Variants in KIF3B observed in about 807,000 individuals in gnomAD.
KIF3B encodes the protein kinesin family member 3B.
In KIF3B, 38 loss-of-function variants were observed where a neutral mutation model predicts 74.3. The observed-to-expected ratio is 0.51, with a 90% confidence interval of 0.39 to 0.67. The LOEUF (loss-of-function observed/expected upper bound fraction) is 0.67. KIF3B is among the 30% of genes least tolerant of loss of function. The pLI, the probability that KIF3B is intolerant of heterozygous loss-of-function variation, is 0.00. For synonymous variants in KIF3B, 326 were observed against 342.5 expected, an observed-to-expected ratio of 0.95 and a Z score of 0.53; for missense variants, 649 against 932.0, an observed-to-expected ratio of 0.70 and a Z score of 3.95.
chr20:32,330,297 G>A lies in KIF3B; in HGVS notation c.2125G>A (p.Ala709Thr), dbSNP rs201593739. 4 of 1,613,948 alleles carry A rather than the reference G, an allele frequency of 2.5e-6. No homozygotes were observed. Among genetic ancestry groups the A allele is most frequent in the East Asian group, 2.2e-5 (1 of 44,870 alleles). Residue 709 changes from alanine (A) to threonine (T), a missense_variant, in exon 8 of 9, where the codon GCA becomes ACA. Physicochemically the swap from Ala to Thr is moderately conservative, Grantham distance 58. Around this residue, in one of 4 missense-constraint regions of KIF3B, gnomAD observed 186 missense variants for 198.5 expected, o/e 0.94. Transcript: ENST00000375712. ...GGATGCATCATCATTTGAAAGCACT[G>A]CAAATAAGAAATCCAAGGCCAGGTG... ...QVDASSFEST[A>T]NKKSKARPKS...
rs1038405595 is a variant in KIF3B, at chr20:32,333,714, C to T, written c.*2395C>T. 1.3e-5 allele frequency: 2 copies of T among 150,286 alleles called. No individual in the cohort carries two copies. Among genetic ancestry groups the T allele is most frequent in the South Asian group, 2.1e-4 (1 of 4,772 alleles). The allele number at this position is 150,286 out of a possible 1,614,324, so 9.3% of individuals were successfully genotyped here. On this transcript the variant is annotated 3_prime_UTR_variant, in exon 9 of 9. Coordinates refer to ENST00000375712, the MANE Select transcript of KIF3B (RefSeq NM_004798.4). Reference sequence around the variant, plus strand: ...ACCCTATACATTAATACTGGTATCTCGAGGTGACTCTTCTGACCAAGGGTG... The same window carrying T: ...ACCCTATACATTAATACTGGTATCTTGAGGTGACTCTTCTGACCAAGGGTG...
chr20:32,291,679 G>T (rs1176361096), intron 1 of KIF3B, among the ~76,000 whole-genome samples: 1 of 148,580 alleles, frequency 6.7e-6, no homozygotes, highest in Non-Finnish European at 1.5e-5. Flanking sequence ...GCAGTGGTGC[G>T]ATCTAGGCCC....
rs1164216900 is a variant in KIF3B at position 32,316,463 on chromosome 20, C to G, written c.1507-64C>G. On this transcript the variant is annotated intron_variant, in intron 3 of 8. Transcript: ENST00000375712. ...TCCTAGCTGGAGACTCTGATCCTAG[C>G]TTGGGGAACCCAGCATAGACACAGT... 3 of 1,605,310 alleles carry G rather than the reference C, an allele frequency of 1.9e-6. No homozygotes were observed. In the African/African-American group the frequency reaches 4.0e-5, roughly 22 times the overall value.
rs201526535 is a variant in KIF3B at position 32,311,096 on chromosome 20, T to G, written c.1319T>G (p.Met440Arg). Residue 440 changes from methionine to arginine, a missense_variant, in exon 2 of 9, where the codon ATG becomes AGG. Met to Arg is a moderately conservative substitution (Grantham distance 91). This residue lies in a region of KIF3B where 363 missense variants were observed against 592.8 expected (regional missense o/e 0.61). Transcript: ENST00000375712. ...EDHSLVAEEK[M>R]RLLKEKEKKM... ...CACAGCTTGGTTGCAGAGGAGAAGA[T>G]GAGGCTGCTGAAGGAGAAAGAGAAA... 76 of 1,613,618 alleles carry G rather than the reference T, an allele frequency of 4.7e-5. 1 individual carries two copies. Among genetic ancestry groups the G allele is most frequent in the Non-Finnish European group, 4.2e-6 (5 of 1,179,894 alleles).
chr20:32,286,384 CAT>C (rs1411224235), intron 1 of KIF3B, among the ~76,000 whole-genome samples: 1 of 152,118 alleles, frequency 6.6e-6, no homozygotes, highest in African/African-American at 2.4e-5. Context: ...GCTGGCAAAT[CAT>C]AAAAGATTCC....
chr20:32,277,806 C>A, intron 1 of KIF3B, 41 bp downstream of exon 1: 1 of 195,036 alleles, frequency 5.1e-6, no homozygotes, highest in Non-Finnish European at 1.0e-5. Context: ...CAGGGCTAAT[C>A]CTGTGGCCGC....
intron 1 of KIF3B, among the ~76,000 whole-genome samples, chr20:32,281,752 G>C (rs1424232101): frequency 6.6e-6 from 1 of 152,076 alleles, no homozygotes; most frequent in Non-Finnish European, 1.5e-5. Flanking sequence ...AAAAGAAAAA[G>C]AAAAGGCCTT....
At chr20:32,281,783 G>A (rs1210409670) in intron 1 of KIF3B, among the ~76,000 whole-genome samples, 1 of 152,172 alleles carries the variant, frequency 6.6e-6, no homozygotes, top group African/African-American at 2.4e-5. Flanking sequence ...TGACGTTTTT[G>A]CTGAGATTTG....
chr20:32,307,714 G>T (rs761306959), intron 1 of KIF3B, among the ~76,000 whole-genome samples: 9 of 152,024 alleles, frequency 5.9e-5, no homozygotes, highest in African/African-American at 2.2e-4. Context: ...GGTGGATCAC[G>T]AGGTCAGAAG....
At chr20:32,304,662 T>C (rs1285905476) in intron 1 of KIF3B, among the ~76,000 whole-genome samples, 1 of 152,154 alleles carries the variant, frequency 6.6e-6, no homozygotes, top group African/African-American at 2.4e-5. Context: ...TGTTTATTAT[T>C]GTATATAATA....
At position 32,310,688 on chromosome 20, in the gene KIF3B, C is replaced by G; in HGVS notation, c.911C>G (p.Ser304Cys). 6.2e-7 allele frequency: 1 copy of G among 1,614,184 alleles called. No homozygotes were observed. Among genetic ancestry groups the G allele is most frequent in the Non-Finnish European group, 8.5e-7 (1 of 1,180,024 alleles). ...AAGCTTACCAGGCTCCTCCAAGATT[C>G]CCTTGGTGGCAATGCCAAGACTGTG... ...DSKLTRLLQDSLGGNAKTVMV... is the reference protein window; with the variant it reads ...DSKLTRLLQDCLGGNAKTVMV... Residue 304 changes from serine (S) to cysteine (C), a missense_variant, in exon 2 of 9, where the codon TCC becomes TGC. Ser to Cys is a moderately radical substitution (Grantham distance 112). Coordinates refer to ENST00000375712, the MANE Select transcript of KIF3B (RefSeq NM_004798.4). This position sits in a 1 kb window ranked among gnomAD's most constrained non-coding sequence, Gnocchi z 6.5.
At chr20:32,297,770 C>T (rs2047723130) in intron 1 of KIF3B, among the ~76,000 whole-genome samples, 1 of 151,712 alleles carries the variant, frequency 6.6e-6, no homozygotes, top group Non-Finnish European at 1.5e-5. Flanking sequence ...CAAGGGCTGT[C>T]AGATATTCCC....
Position 32,316,257 on chromosome 20 carries a change from G to C in KIF3B, c.1444G>C (p.Val482Leu), listed in dbSNP as rs757305308. The C allele has an allele frequency of 6.2e-7, 1 of 1,613,462 alleles. No individual in the cohort carries two copies. Among genetic ancestry groups the C allele is most frequent in the Non-Finnish European group, 8.5e-7 (1 of 1,179,368 alleles). Residue 482 changes from valine to leucine, a missense_variant, in exon 3 of 9, where the codon GTA (valine) becomes CTA (leucine). Around this residue, in one of 4 missense-constraint regions of KIF3B, gnomAD observed 363 missense variants for 592.8 expected, o/e 0.61. Transcript: ENST00000375712. ...GTTGCTTGTTGGAGGAAAAAATATA[G>C]TAGATCATACGAATGAACAGCAGAA... ...SKLLVGGKNI[V>L]DHTNEQQKIL...
In KIF3B at chr20:32,307,300, A is replaced by G. The variant is rs1029556230; in HGVS notation, c.-65-2413A>G. On this transcript the variant is annotated intron_variant, in intron 1 of 8. Transcript: ENST00000375712. ...CCATTTTTCACACTATGTAAACTAT[A>G]CTGTACACACTGTCACCTACTTTTT... 6.6e-5 allele frequency among the ~76,000 whole-genome samples: 10 copies of G among 152,308 alleles called. No individual in the cohort carries two copies. The East Asian group carries it at 1.9e-3, about 29-fold the overall frequency.
rs371940365 is a variant in KIF3B, at chr20:32,302,514, T to G, written c.-65-7199T>G. Among the ~76,000 whole-genome samples the G allele has an allele frequency of 9.8e-3, 1,291 of 131,602 alleles. 8 individuals are homozygous for G. Among genetic ancestry groups the G allele is most frequent in the African/African-American group, 0.01 (419 of 40,312 alleles). The allele number at this position is 131,602 out of a possible 152,430, so 86.3% of individuals were successfully genotyped here. On this transcript the variant is annotated intron_variant, in intron 1 of 8. Coordinates refer to ENST00000375712, the MANE Select transcript of KIF3B (RefSeq NM_004798.4). ...CTCAAGGTCAGCTTGCTGCAGGCTT[T>G]CTTTCTTCTTTCATAGGCTTGGAGC...
intron 7 of KIF3B, among the ~76,000 whole-genome samples, chr20:32,329,424 G>A (rs1406616096): frequency 1.3e-5 from 2 of 148,874 alleles, no homozygotes; most frequent in Admixed American, 6.8e-5. Context: ...GTCATAGCTC[G>A]CTGTATCCTC....
intron 1 of KIF3B, among the ~76,000 whole-genome samples, chr20:32,285,000 C>T (rs35290636): frequency 0.35 from 52,243 of 151,258 alleles, 10,273 homozygotes; most frequent in East Asian, 0.74. Context: ...CATTCATTCG[C>T]GTGTTCATCT....
chr20:32,302,665 A>T (rs560387243), intron 1 of KIF3B, among the ~76,000 whole-genome samples: 5 of 152,026 alleles, frequency 3.3e-5, no homozygotes, highest in Non-Finnish European at 4.4e-5. Flanking sequence ...CTCTTACTCT[A>T]TCAGGTCTAG....
At chr20:32,317,818 T>A (rs888138026) in intron 5 of KIF3B, among the ~76,000 whole-genome samples, 3 of 151,942 alleles carry the variant, frequency 2.0e-5, no homozygotes, top group Non-Finnish European at 4.4e-5. Flanking sequence ...TTAAAAAAAA[T>A]TTTATAGAGA....
Sources: allele counts gnomAD v4.1 joint callset (sites outside exome capture counted in the v4.1 genomes callset), GRCh38; gene constraint gnomAD v4.1.1; regional missense constraint gnomAD v4.1.1; non-coding constraint Gnocchi (gnomAD v3.1); transcripts MANE v1.5; gene names NCBI Gene and HGNC (gene_info 2026-07-23, HGNC 2026-07-21).